The following MTM1 variants were observed in gnomAD, a reference collection of about 807,000 sequenced individuals.
The protein encoded by MTM1 is myotubularin 1.
In MTM1, 9 loss-of-function variants were observed where a neutral mutation model predicts 52.1. The observed-to-expected ratio is 0.17, with a 90% CI of 0.10 to 0.30. The LOEUF (loss-of-function observed/expected upper bound fraction) is 0.30, where lower values mean the gene tolerates loss of function less well. MTM1 is among the 10% of genes least tolerant of loss of function. MTM1 has a pLI of 1.00. For missense variants in MTM1, 277 were observed against 470.7 expected (o/e 0.59, Z 3.81); for synonymous variants, 136 against 163.8 (o/e 0.83, Z 1.29).
chrX:150,583,876 A>G (rs1229344426), intron 1 of MTM1, among the ~76,000 whole-genome samples: 14 of 43,680 alleles, frequency 3.2e-4, no homozygotes, highest in African/African-American at 1.3e-3. Context: ...TTAAATATAT[A>G]TTAAATATAT....
At chrX:150,660,222 A>T (rs2040196344) in intron 12 of MTM1, 149 bp from the exon 13 acceptor site, 2 of 469,500 alleles carry the variant, frequency 4.3e-6, no homozygotes, top group Non-Finnish European at 7.4e-6. Context: ...AAAAAGAACA[A>T]CTGTAGTGTG....
At chrX:150,651,485 G>GTTTTTTTTTTTTTTTT (rs56302527) in intron 10 of MTM1, among the ~76,000 whole-genome samples, 1 of 74,840 alleles carries the variant, frequency 1.3e-5, no homozygotes, top group Non-Finnish European at 2.5e-5. Flanking sequence ...CAATTAGGTT[G>GTTTTTTTTTTTTTTTT]TTTTTTTTTT....
chrX:150,634,535 G>A (rs2039723922), intron 6 of MTM1, among the ~76,000 whole-genome samples: 1 of 111,581 alleles, frequency 9.0e-6, no homozygotes, highest in East Asian at 2.8e-4. Context: ...TTCATCTCAA[G>A]TTTGTCCTTT....
intron 1 of MTM1, among the ~76,000 whole-genome samples, chrX:150,572,665 T>G (rs1557411492): frequency 8.9e-6 from 1 of 112,335 alleles, no homozygotes; most frequent in Non-Finnish European, 1.9e-5. Flanking sequence ...GAAGACTTTC[T>G]CTTTTCCAAT....
intron 10 of MTM1, among the ~76,000 whole-genome samples, chrX:150,657,099 T>C (rs1263622442): frequency 3.6e-5 from 4 of 110,118 alleles, no homozygotes; most frequent in Non-Finnish European, 5.7e-5. Flanking sequence ...GAAATACCAT[T>C]TGACCCAGCC....
At chrX:150,613,136 TAAAA>T (rs782155099) in intron 4 of MTM1, among the ~76,000 whole-genome samples, 3 of 90,449 alleles carry the variant, frequency 3.3e-5, no homozygotes, top group South Asian at 5.1e-4. Context: ...ACTTATCTCT[TAAAA>T]AAAAAAAAAA....
chrX:150,615,238 C>T (rs1457697372), intron 5 of MTM1, among the ~76,000 whole-genome samples: 1 of 111,425 alleles, frequency 9.0e-6, no homozygotes, highest in Non-Finnish European at 1.9e-5. Flanking sequence ...TCTGAGATGG[C>T]GTGATGGGAG....
At chrX:150,599,224 G>T (rs1181213814) in intron 4 of MTM1, among the ~76,000 whole-genome samples, 1 of 112,461 alleles carries the variant, frequency 8.9e-6, no homozygotes, top group Non-Finnish European at 1.9e-5. Flanking sequence ...GAACTAGGAT[G>T]ACTATGGTAT....
rs782674987 is a variant in MTM1, at chrX:150,613,150, A to G, written c.232-1439A>G. Among the ~76,000 whole-genome samples, 542 of 105,205 alleles carry G rather than the reference A, an allele frequency of 5.2e-3. 3 individuals carry two copies. The highest frequency in any genetic ancestry group is 0.018 in the African/African-American group (485 of 27,421). The allele number at this position is 105,205 out of a possible 115,157, so 91.4% of individuals were successfully genotyped here. On this transcript the variant is annotated intron_variant, in intron 4 of 14. Coordinates refer to ENST00000370396, the MANE Select transcript of MTM1 (RefSeq NM_000252.3). ...AACTTATCTCTTAAAAAAAAAAAAAAAGGGGGGAAAGAAAAGAAAAACTTT... is the reference window on the plus strand; with the variant it reads ...AACTTATCTCTTAAAAAAAAAAAAAGAGGGGGGAAAGAAAAGAAAAACTTT...
chrX:150,571,616 A>T (rs1255538622), intron 1 of MTM1, among the ~76,000 whole-genome samples: 3 of 112,592 alleles, frequency 2.7e-5, no homozygotes, highest in Non-Finnish European at 5.6e-5. Context: ...TGTTTTTAAG[A>T]AAATACATTA....
rs782792031 is a variant in MTM1 at position 150,638,029 on chromosome X, T to C, written c.445-914T>C. ...TACAAAGATGAAAGCAGGGGAGCAGTTAGGTTTTTATAATCAACCAAGTAA... is the reference window on the plus strand; with the variant it reads ...TACAAAGATGAAAGCAGGGGAGCAGCTAGGTTTTTATAATCAACCAAGTAA... On this transcript the variant is annotated intron_variant, in intron 6 of 14. Coordinates refer to ENST00000370396, the MANE Select transcript of MTM1 (RefSeq NM_000252.3). 4.4e-5 allele frequency among the ~76,000 whole-genome samples: 5 copies of C among 112,646 alleles called. No individual in the cohort carries two copies. In the South Asian group the frequency reaches 1.8e-3, roughly 41 times the overall value.
At chrX:150,669,618 A>G (rs1409119695) in intron 14 of MTM1, among the ~76,000 whole-genome samples, 3 of 112,288 alleles carry the variant, frequency 2.7e-5, no homozygotes, top group Non-Finnish European at 5.6e-5. Flanking sequence ...TCTGATGATC[A>G]GTGATGATGA....
chrX:150,639,133 T>C (rs1400035086), intron 7 of MTM1, 107 bp downstream of exon 7: 1 of 655,734 alleles, frequency 1.5e-6, no homozygotes, highest in Non-Finnish European at 2.6e-6. Context: ...CCTTGCTAAA[T>C]ATCTTTTCAA....
chrX:150,654,486 G>C (rs1557414327), intron 10 of MTM1, among the ~76,000 whole-genome samples: 1 of 111,928 alleles, frequency 8.9e-6, no homozygotes, highest in African/African-American at 3.2e-5. Context: ...GTCATTTTAG[G>C]AGTAATGGAT....
At chrX:150,574,899 A>G in intron 1 of MTM1, among the ~76,000 whole-genome samples, 1 of 112,103 alleles carries the variant, frequency 8.9e-6, no homozygotes, top group Non-Finnish European at 1.9e-5. Context: ...TCCTCACAGC[A>G]TCGCTTTGAG....
chrX:150,563,305 C>G, the MTM1 span, among the ~76,000 whole-genome samples: 2 of 34,503 alleles, frequency 5.8e-5, no homozygotes, highest in Admixed American at 4.5e-4. Flanking sequence ...TAAATCTCAG[C>G]TTTTTTTTTT....
chrX:150,577,692 A>G (rs1227635764), intron 1 of MTM1, among the ~76,000 whole-genome samples: 1 of 112,040 alleles, frequency 8.9e-6, no homozygotes, highest in Non-Finnish European at 1.9e-5. Flanking sequence ...CAGATATGTG[A>G]TTTGCAAGCA....
chrX:150,624,924 T>C (rs781813125), intron 6 of MTM1, among the ~76,000 whole-genome samples: 4 of 112,114 alleles, frequency 3.6e-5, no homozygotes, highest in Non-Finnish European at 7.5e-5. Flanking sequence ...TTTCTTGAAT[T>C]TTAAGTGAAG....
intron 5 of MTM1, among the ~76,000 whole-genome samples, chrX:150,617,360 C>T: frequency 8.9e-6 from 1 of 112,115 alleles, no homozygotes; most frequent in Non-Finnish European, 1.9e-5. Flanking sequence ...CAGTATTGCA[C>T]TTGTGGCTGG....
Sources: gnomAD v4.1 joint callset for allele counts (sites outside exome capture counted in the v4.1 genomes callset) on GRCh38, gnomAD v4.1.1 for gene constraint, MANE v1.5 for transcripts, NCBI Gene and HGNC (gene_info 2026-07-23, HGNC 2026-07-21) for gene names.